The following HPSE2 variants were observed in gnomAD, a reference collection of about 807,000 sequenced individuals.
HPSE2 encodes heparanase 2 (inactive).
HPSE2 carries 38 observed loss-of-function variants against 60.5 expected under a neutral mutation model. The ratio of observed to expected loss-of-function variants is 0.63; its 90% confidence interval spans 0.48 to 0.82. HPSE2 has a LOEUF of 0.82. HPSE2 is among the 40% of genes least tolerant of loss of function. The pLI, the probability that HPSE2 is intolerant of heterozygous loss-of-function variation, is 0.00. For missense variants in HPSE2, 713 were observed against 740.4 expected (o/e 0.96, Z 0.43); for synonymous variants, 295 against 293.2 (o/e 1.01, Z -0.06).
At chr10:98,848,909 T>C (rs1257575511) in intron 3 of HPSE2, among the ~76,000 whole-genome samples, 1 of 152,156 alleles carries the variant, frequency 6.6e-6, no homozygotes, top group African/African-American at 2.4e-5. Flanking sequence ...CTTTTTCATC[T>C]CATAAGACAT....
chr10:99,021,423 G>T (rs76824444), intron 3 of HPSE2, among the ~76,000 whole-genome samples: 1 of 151,978 alleles, frequency 6.6e-6, no homozygotes, highest in Admixed American at 6.6e-5. Context: ...GACCAGAGCC[G>T]GGATTTAAAT....
chr10:99,313,636 T>C, the HPSE2 span, among the ~76,000 whole-genome samples: 2,201 of 120,870 alleles, frequency 0.018, 50 homozygotes, highest in African/African-American at 0.064. Flanking sequence ...AGTCTCACTC[T>C]GTCGCCAGGC....
intron 6 of HPSE2, among the ~76,000 whole-genome samples, chr10:98,656,245 C>T (rs1947059656): frequency 1.3e-5 from 2 of 152,166 alleles, no homozygotes; most frequent in Non-Finnish European, 2.9e-5. Flanking sequence ...CCCACCACAC[C>T]CGGCTAATGC....
chr10:98,977,894 T>C (rs998283800), intron 3 of HPSE2, among the ~76,000 whole-genome samples: 1 of 151,342 alleles, frequency 6.6e-6, no homozygotes, highest in Non-Finnish European at 1.5e-5. Context: ...ATATAAATTA[T>C]ATACTAATTT....
At chr10:99,160,433 C>A (rs896702735) in intron 2 of HPSE2, among the ~76,000 whole-genome samples, 2 of 152,102 alleles carry the variant, frequency 1.3e-5, no homozygotes, top group African/African-American at 2.4e-5. Flanking sequence ...CCAAGTGCTG[C>A]CAAGAATGTG....
At chr10:98,461,591 T>A (rs981512021) in intron 11 of HPSE2, among the ~76,000 whole-genome samples, 2 of 152,252 alleles carry the variant, frequency 1.3e-5, no homozygotes, top group Non-Finnish European at 2.9e-5. Context: ...TTCATTATTT[T>A]GTTTCAGGTG....
At chr10:98,869,365 C>A (rs1380747959) in intron 3 of HPSE2, among the ~76,000 whole-genome samples, 1 of 152,048 alleles carries the variant, frequency 6.6e-6, no homozygotes, top group Non-Finnish European at 1.5e-5. Context: ...CATATCAGAG[C>A]CCTAATGTCC....
At chr10:98,662,174 T>C (rs1240864230) in intron 6 of HPSE2, among the ~76,000 whole-genome samples, 4 of 152,286 alleles carry the variant, frequency 2.6e-5, no homozygotes, top group Admixed American at 2.6e-4. Context: ...ATTACAGGCA[T>C]GAGCCACTGT....
chr10:98,683,163 T>G (rs1260187054), intron 6 of HPSE2, among the ~76,000 whole-genome samples: 1 of 152,158 alleles, frequency 6.6e-6, no homozygotes, highest in East Asian at 1.9e-4. Flanking sequence ...TTATGTAGAC[T>G]GTTACTAGTT....
At chr10:98,657,618 T>C (rs2134077279) in intron 6 of HPSE2, among the ~76,000 whole-genome samples, 1 of 152,330 alleles carries the variant, frequency 6.6e-6, no homozygotes, top group South Asian at 2.1e-4. Flanking sequence ...ATTACAGGCG[T>C]GAGCCACCAT....
chr10:98,864,788 T>G (rs2134796532), intron 3 of HPSE2, among the ~76,000 whole-genome samples: 1 of 152,308 alleles, frequency 6.6e-6, no homozygotes, highest in African/African-American at 2.4e-5. Flanking sequence ...CTGCAAAGTT[T>G]TGCTGGCTTG....
At chr10:99,281,979 G>T in the HPSE2 span, among the ~76,000 whole-genome samples, 1 of 152,064 alleles carries the variant, frequency 6.6e-6, no homozygotes, top group Non-Finnish European at 1.5e-5. Context: ...CAAAAGACAG[G>T]CCGGGTGCGG....
chr10:98,570,576 A>T (rs151119853), intron 9 of HPSE2, among the ~76,000 whole-genome samples: 1 of 152,022 alleles, frequency 6.6e-6, no homozygotes. Context: ...GCATTAGAAT[A>T]AAAAAACAGC....
At chr10:99,125,767 G>T (rs973802016) in intron 3 of HPSE2, among the ~76,000 whole-genome samples, 3 of 152,196 alleles carry the variant, frequency 2.0e-5, no homozygotes, top group Admixed American at 6.5e-5. Flanking sequence ...AGGGAACCAT[G>T]CAAAATACAG....
At chr10:98,919,421 A>ATT in intron 3 of HPSE2, among the ~76,000 whole-genome samples, 1 of 152,280 alleles carries the variant, frequency 6.6e-6, no homozygotes, top group Middle Eastern at 3.4e-3. Context: ...GCCTCCAAAA[A>ATT]TGTCAGATTT....
At chr10:99,083,966 C>CTT (rs34799799) in intron 3 of HPSE2, among the ~76,000 whole-genome samples, 1,705 of 79,742 alleles carry the variant, frequency 0.021, 139 homozygotes, top group African/African-American at 0.065. Flanking sequence ...GTGTGAAAGC[C>CTT]TTTTTTTTTT....
chr10:98,735,398 G>T (rs1949331469), intron 4 of HPSE2, among the ~76,000 whole-genome samples: 1 of 150,540 alleles, frequency 6.6e-6, no homozygotes, highest in Admixed American at 6.6e-5. Flanking sequence ...GCAAAAGTTT[G>T]CTACAGGGGT....
At chr10:99,221,954 G>T (rs886847509) in intron 2 of HPSE2, among the ~76,000 whole-genome samples, 2 of 152,122 alleles carry the variant, frequency 1.3e-5, no homozygotes, top group African/African-American at 4.8e-5. Context: ...AAGACAACAA[G>T]ATGGAGAGAG....
At chr10:99,036,056 A>T (rs545574035) in intron 3 of HPSE2, among the ~76,000 whole-genome samples, 56 of 152,134 alleles carry the variant, frequency 3.7e-4, no homozygotes, top group African/African-American at 1.3e-3. Context: ...ACAAAAAAAA[A>T]ATTTTTTTTT....
Sources: gnomAD v4.1 joint callset for allele counts (sites outside exome capture counted in the v4.1 genomes callset) on GRCh38, gnomAD v4.1.1 for gene constraint, MANE v1.5 for transcripts, NCBI Gene and HGNC (gene_info 2026-07-23, HGNC 2026-07-21) for gene names.